ANKRD31: variants seen among roughly 807,000 people sequenced by gnomAD.
ANKRD31 encodes the protein ankyrin repeat domain 31.
Under a neutral mutation model 186.0 loss-of-function variants are expected in ANKRD31, and 147 were observed. The ratio of observed to expected loss-of-function variants is 0.79; its 90% CI spans 0.69 to 0.91. The LOEUF (loss-of-function observed/expected upper bound fraction) is 0.91, where lower values mean the gene tolerates loss of function less well. Among genes scored for constraint, ANKRD31 ranks in the 40% least tolerant of loss-of-function variants. The probability of loss-of-function intolerance (pLI) is 0.00; values close to 1 mark genes in which losing one functional copy is unlikely to be tolerated. For synonymous variants in ANKRD31, 673 were observed against 736.4 expected, an observed-to-expected ratio of 0.91 and a Z score of 1.39; for missense variants, 1,986 against 2,148.8, an observed-to-expected ratio of 0.92 and a Z score of 1.50.
At chr5:75,201,449 C>T (rs1354321990) in intron 5 of ANKRD31, among the ~76,000 whole-genome samples, 1 of 152,132 alleles carries the variant, frequency 6.6e-6, no homozygotes, top group Non-Finnish European at 1.5e-5. Context: ...ATAGATACAT[C>T]TTCAACTACC....
chr5:75,191,429 G>T (rs1425267228), intron 9 of ANKRD31, among the ~76,000 whole-genome samples: 1 of 151,966 alleles, frequency 6.6e-6, no homozygotes, highest in African/African-American at 2.4e-5. Context: ...ATGGAGAAAA[G>T]GTCCTGCCAC....
intron 1 of ANKRD31, among the ~76,000 whole-genome samples, chr5:75,230,925 CT>C (rs959002407): frequency 1.3e-5 from 2 of 152,098 alleles, no homozygotes; most frequent in African/African-American, 4.8e-5. Context: ...ACCTTAATAA[CT>C]TTTTGAAAAG....
chr5:75,105,716 A>C (rs1228274450), intron 21 of ANKRD31, among the ~76,000 whole-genome samples: 3 of 152,164 alleles, frequency 2.0e-5, no homozygotes, highest in Admixed American at 6.6e-5. Flanking sequence ...TGTTTTGTGA[A>C]TAATCATACT....
Position 75,224,114 on chromosome 5 carries a change from A to T in ANKRD31, c.179-1756T>A, listed in dbSNP as rs75259093. On this transcript the variant is annotated intron_variant, in intron 2 of 25. Coordinates refer to ENST00000506364, the MANE Select transcript of ANKRD31 (RefSeq NM_001372053.1). ...TCACACAACACAGGAAAAGGAAGAG[A>T]TCTCTCAGAAATAATTATATATATA... 2.9e-3 allele frequency among the ~76,000 whole-genome samples: 363 copies of T among 125,826 alleles called. 10 individuals carry two copies. The East Asian group carries it at 0.066, about 23-fold the overall frequency. The allele number at this position is 125,826 out of a possible 152,430, so 82.5% of individuals were successfully genotyped here.
At chr5:75,128,793 C>A (rs1164322466) in intron 17 of ANKRD31, among the ~76,000 whole-genome samples, 2 of 151,966 alleles carry the variant, frequency 1.3e-5, no homozygotes, top group Non-Finnish European at 2.9e-5. Flanking sequence ...GGATTACAGG[C>A]ATGAGCCAAC....
chr5:75,146,557 G>A lies in ANKRD31; in HGVS notation c.2854C>T (p.Leu952Phe). The A allele has an allele frequency of 5.2e-6, 8 of 1,536,380 alleles. No individual in the cohort carries two copies. The highest frequency in any genetic ancestry group is 7.0e-6 in the Non-Finnish European group (8 of 1,146,386). ...GCTTTTAACTCATTTTCCTGTGAAA[G>A]ATGATCTTCAGAAAGTAAAAACTGT... ...FQQFLLSEDH[L>F]SQENELKAVS... The change falls in exon 14 of 26, where the codon CTT becomes TTT. Residue 952 changes from leucine to phenylalanine, a missense_variant. Transcript: ENST00000506364.
chr5:75,232,637 A>G (rs1431293602), intron 1 of ANKRD31, among the ~76,000 whole-genome samples: 1 of 152,012 alleles, frequency 6.6e-6, no homozygotes, highest in Non-Finnish European at 1.5e-5. Context: ...ACACTATTCT[A>G]TATCTTGATT....
intron 3 of ANKRD31, among the ~76,000 whole-genome samples, chr5:75,214,346 C>T (rs1429493637): frequency 6.6e-6 from 1 of 152,166 alleles, no homozygotes; most frequent in Non-Finnish European, 1.5e-5. Context: ...TGAACAGAGA[C>T]AGCAATTTTA....
intron 10 of ANKRD31, among the ~76,000 whole-genome samples, chr5:75,181,401 T>C (rs993884950): frequency 6.6e-6 from 1 of 152,068 alleles, no homozygotes; most frequent in Non-Finnish European, 1.5e-5. Context: ...ACCCAAAGGA[T>C]TATAAATCAT....
At position 75,104,444 on chromosome 5, in the gene ANKRD31, C is replaced by T; in HGVS notation, c.5115G>A (p.Val1705=). 6.5e-7 allele frequency: 1 copy of T among 1,537,190 alleles called. No individual in the cohort carries two copies. Residue 1705 remains valine (V), a synonymous_variant, in exon 22 of 26, where the codon GTG becomes GTA. Coordinates refer to ENST00000506364, the MANE Select transcript of ANKRD31 (RefSeq NM_001372053.1). ...TTTTAAGATATGGTTTCATCTGATG[C>T]ACTGTATCACTGCCTAAGACAGCAA... ...QGIAVLGSDT[V]HQMKPYLKKS...
chr5:75,195,688 A>G lies in ANKRD31; in HGVS notation c.960T>C (p.Cys320=), dbSNP rs1284398862. The G allele has an allele frequency of 1.3e-6, 2 of 1,537,226 alleles. No homozygotes were observed. Among genetic ancestry groups the G allele is most frequent in the Non-Finnish European group, 1.7e-6 (2 of 1,146,762 alleles). ...GAGACGTATTGAACTCCACTTCTAA[A>G]CATTCATTTCTGGCAATGAGACTGC... is the stretch of plus-strand genomic sequence containing the variant. ...GGSSLIARNE[C]LEVEFNTSQT... The change falls in exon 7 of 26, where the codon TGT becomes TGC. Residue 320 remains cysteine (C), a synonymous_variant. Coordinates refer to ENST00000506364, the MANE Select transcript of ANKRD31 (RefSeq NM_001372053.1).
In ANKRD31 at chr5:75,122,582, C is replaced by A. The variant is rs117232069; in HGVS notation, c.3877-4285G>T. Among the ~76,000 whole-genome samples, 23 of 152,160 alleles carry A rather than the reference C, an allele frequency of 1.5e-4. No individual in the cohort carries two copies. In the East Asian group the frequency reaches 4.2e-3, roughly 28 times the overall value. ...CCAGCACATCAAAAAGATAACACAC[C>A]ATGACCAAGTGGGTTGTATTCCAGG... On this transcript the variant is annotated intron_variant, in intron 17 of 25. Transcript: ENST00000506364.
intron 22 of ANKRD31, among the ~76,000 whole-genome samples, chr5:75,093,297 G>A (rs1049644430): frequency 5.3e-5 from 8 of 151,952 alleles, no homozygotes; most frequent in Admixed American, 6.6e-5. Flanking sequence ...CCTGGCCAAC[G>A]TGGTGAAACC....
chr5:75,214,456 C>T (rs1277596539), intron 3 of ANKRD31, among the ~76,000 whole-genome samples: 3 of 152,302 alleles, frequency 2.0e-5, no homozygotes, highest in Admixed American at 2.0e-4. Context: ...AGAAAAATCA[C>T]ATTGTATTTG....
intron 22 of ANKRD31, among the ~76,000 whole-genome samples, chr5:75,099,148 T>G (rs1746591710): frequency 6.6e-6 from 1 of 152,220 alleles, no homozygotes; most frequent in Admixed American, 6.5e-5. Context: ...GAAGTATTGT[T>G]GACTTTTGTC....
intron 17 of ANKRD31, among the ~76,000 whole-genome samples, chr5:75,131,467 C>T (rs113748405): frequency 0.042 from 6,466 of 152,230 alleles, 243 homozygotes; most frequent in Admixed American, 0.11. Context: ...GGGGGAGGGG[C>T]GTCCACCATT....
At chr5:75,120,032 T>G (rs547188844) in intron 17 of ANKRD31, among the ~76,000 whole-genome samples, 1 of 152,290 alleles carries the variant, frequency 6.6e-6, no homozygotes, top group Admixed American at 6.5e-5. Context: ...TTGCTCTGAG[T>G]AACTCTTAAA....
intron 11 of ANKRD31, among the ~76,000 whole-genome samples, chr5:75,163,505 C>G (rs1752711398): frequency 6.6e-6 from 1 of 152,146 alleles, no homozygotes; most frequent in Non-Finnish European, 1.5e-5. Context: ...GGGTCTTTTT[C>G]TCTTAGGGTG....
intron 1 of ANKRD31, among the ~76,000 whole-genome samples, chr5:75,235,071 T>C (rs184707204): frequency 2.0e-3 from 299 of 152,272 alleles, no homozygotes; most frequent in African/African-American, 6.3e-3. Flanking sequence ...TGTCACTTTA[T>C]GTGCCAGTAT....
Sources: allele counts gnomAD v4.1 joint callset (sites outside exome capture counted in the v4.1 genomes callset), GRCh38; gene constraint gnomAD v4.1.1; transcripts MANE v1.5; gene names NCBI Gene and HGNC (gene_info 2026-07-23, HGNC 2026-07-21).